Variants in OFD1 observed in about 807,000 individuals in gnomAD.
OFD1 encodes the protein OFD1 centriole and centriolar satellite protein, also known as centriole and centriolar satellite protein OFD1.
In OFD1, 12 loss-of-function variants were observed where a neutral mutation model predicts 81.4. The observed-to-expected ratio is 0.15, with a 90% CI of 0.09 to 0.24. The LOEUF is 0.24. OFD1 is among the 10% of genes least tolerant of loss of function. The pLI, the probability that OFD1 is intolerant of heterozygous loss-of-function variation, is 1.00. For missense variants in OFD1, 685 were observed against 733.9 expected (o/e 0.93, Z 0.77); for synonymous variants, 256 against 263.7 (o/e 0.97, Z 0.28).
At chrX:13,746,268 C>T (rs371295735) in intron 6 of OFD1, 51 bp from the exon 7 acceptor site, 47 of 1,139,848 alleles carry the variant, frequency 4.1e-5, no homozygotes, top group East Asian at 6.0e-5. Flanking sequence ...TGGCGTCTTA[C>T]GCACCTGACG....
chrX:13,741,626 T>C (rs1219535282), intron 5 of OFD1, among the ~76,000 whole-genome samples: 1 of 112,186 alleles, frequency 8.9e-6, no homozygotes, highest in Non-Finnish European at 1.9e-5. Context: ...GGAACAAGGC[T>C]GTTTATTCAC....
At chrX:13,716,167 A>G in the OFD1 span, 3 of 1,008,586 alleles carry the variant, frequency 3.0e-6, no homozygotes, top group Non-Finnish European at 4.0e-6. Context: ...TATTCTTCAA[A>G]TTAGTCACAT....
At chrX:13,771,007 TTAAAA>T (rs1362486633), downstream of OFD1, 1 of 112,796 alleles carries the variant, frequency 8.9e-6, no homozygotes, top group Admixed American at 9.4e-5. Context: ...AAATAGATCT[TTAAAA>T]TAAGCATACA....
intron 9 of OFD1, among the ~76,000 whole-genome samples, chrX:13,750,471 A>G (rs556307696): frequency 1.8e-5 from 2 of 111,921 alleles, no homozygotes; most frequent in South Asian, 7.5e-4. Flanking sequence ...GCTGGATCTC[A>G]CCACCCATGA....
upstream of OFD1, among the ~76,000 whole-genome samples, chrX:13,731,329 T>C (rs1279567594): frequency 8.9e-6 from 1 of 112,315 alleles, no homozygotes; most frequent in Non-Finnish European, 1.9e-5. Flanking sequence ...TAAATGTTTA[T>C]TTTCAGTCAG....
chrX:13,769,741 C>T (rs1308838800), downstream of OFD1, among the ~76,000 whole-genome samples: 2 of 111,351 alleles, frequency 1.8e-5, no homozygotes, highest in Non-Finnish European at 3.8e-5. Flanking sequence ...CTAGCTAGGC[C>T]CTTTTGCCCT....
At chrX:13,748,291 G>A (rs2047370278) in intron 8 of OFD1, among the ~76,000 whole-genome samples, 1 of 112,167 alleles carries the variant, frequency 8.9e-6, no homozygotes, top group African/African-American at 3.2e-5. Flanking sequence ...GAAGAAGATT[G>A]TCATCCTCAT....
chrX:13,749,012 C>T (rs2047399927), intron 8 of OFD1, among the ~76,000 whole-genome samples: 1 of 107,880 alleles, frequency 9.3e-6, no homozygotes, highest in Non-Finnish European at 1.9e-5. Context: ...CCTGCAGCTA[C>T]TCGGTAGGCT....
Position 13,757,913 on chromosome X carries a change from T to TA in OFD1, c.1542+124dup, listed in dbSNP as rs2047774099. The TA allele has an allele frequency of 8.7e-6, 7 of 801,799 alleles. No homozygotes were observed. The Middle Eastern group carries it at 1.7e-3, about 198-fold the overall frequency. 66.1% of individuals were successfully genotyped at this position (801,799 alleles called of 1,213,427 possible). A position where few individuals can be genotyped will look rare whatever the true frequency, so the allele number is the denominator to read the frequency against. ...TAACATCAAACATTACTCCCCCAAA[T>TA]ATGCTAAAGGTATCCTTTCTCATCT... On this transcript the variant is annotated intron_variant, in intron 14 of 22. Coordinates refer to ENST00000340096, the MANE Select transcript of OFD1 (RefSeq NM_003611.3).
At chrX:13,736,138 T>A in intron 2 of OFD1, 4 of 854,563 alleles carry the variant, frequency 4.7e-6, no homozygotes, top group Non-Finnish European at 5.7e-6. Context: ...TGGCAGAATT[T>A]TTTCCTATAC....
rs757460779 is a variant in OFD1 at position 13,762,428 on chromosome X, T to G, written c.2472T>G (p.Phe824Leu). Residue 824 changes from phenylalanine to leucine, a missense_variant, in exon 18 of 23, where the codon TTT (phenylalanine) becomes TTG (leucine). Phe to Leu is a conservative substitution (Grantham distance 22, BLOSUM62 0). Transcript: ENST00000340096. ...DKLAFKDNEEFESSFESAGNM... is the reference protein window; with the variant it reads ...DKLAFKDNEELESSFESAGNM... ...TAGCTTTTAAGGATAATGAGGAGTT[T>G]GAATCATCTTTTGAATGTAAGTTCA... The G allele has an allele frequency of 2.3e-5, 27 of 1,156,533 alleles. No homozygotes were observed. The highest frequency in any genetic ancestry group is 3.2e-5 in the Non-Finnish European group (27 of 845,428).
rs2047218970 is a variant in OFD1, at chrX:13,744,451, A to G, written c.449A>G (p.Tyr150Cys). The stretch of plus-strand genomic sequence containing the variant: ...CATTTTTTAAAAGAATTGGCAGAAT[A>G]TCATCAAGCTAAAGAGAGTTGTAAT... ...LMHFLKELAE[Y>C]HQAKESCNME... The change falls in exon 6 of 23, where the codon TAT becomes TGT. Residue 150 changes from tyrosine (Y) to cysteine (C), a missense_variant. Physicochemically the swap from Tyr to Cys is radical, Grantham distance 194. Around this residue, in one of 3 missense-constraint regions of OFD1, gnomAD observed 414 missense variants for 447.2 expected, o/e 0.93. Transcript: ENST00000340096. The G allele has an allele frequency of 8.4e-7, 1 of 1,188,517 alleles. No homozygotes were observed. The highest frequency in any genetic ancestry group is 1.1e-6 in the Non-Finnish European group (1 of 875,272).
intron 5 of OFD1, among the ~76,000 whole-genome samples, chrX:13,741,886 G>A (rs1238318998): frequency 8.9e-6 from 1 of 111,776 alleles, no homozygotes. Context: ...ATGTCGTAAG[G>A]TTGGTCAGTC....
chrX:13,751,424 A>G (rs781070357), intron 10 of OFD1, 56 bp downstream of exon 10: 115 of 1,045,572 alleles, frequency 1.1e-4, no homozygotes, highest in Non-Finnish European at 1.4e-4. Flanking sequence ...TGGTAGAAAC[A>G]TAACAAAAAC....
At chrX:13,739,800 C>T (rs191784568) in intron 5 of OFD1, 3 of 749,220 alleles carry the variant, frequency 4.0e-6, no homozygotes, top group Non-Finnish European at 4.7e-6. Context: ...TAATTTTGGC[C>T]TTGATAATAG....
At chrX:13,754,171 C>T (rs1224792297) in intron 11 of OFD1, among the ~76,000 whole-genome samples, 1 of 110,579 alleles carries the variant, frequency 9.0e-6, no homozygotes, top group Non-Finnish European at 1.9e-5. Context: ...TTAGTAGAGG[C>T]GGGGTCTCAG....
intron 5 of OFD1, among the ~76,000 whole-genome samples, chrX:13,743,726 G>T (rs1569116268): frequency 9.1e-6 from 1 of 109,473 alleles, no homozygotes; most frequent in African/African-American, 3.3e-5. Flanking sequence ...TGACAATGTA[G>T]TTTTTTCTGC....
downstream of OFD1, among the ~76,000 whole-genome samples, chrX:13,770,232 C>T (rs1419786557): frequency 8.9e-6 from 1 of 112,020 alleles, no homozygotes; most frequent in Non-Finnish European, 1.9e-5. Flanking sequence ...ACTCATGTGA[C>T]TTAAATAATT....
At chrX:13,718,153 G>A in the OFD1 span, among the ~76,000 whole-genome samples, 3 of 112,628 alleles carry the variant, frequency 2.7e-5, no homozygotes, top group Admixed American at 9.3e-5. Context: ...GCTGTCCCAA[G>A]CCACTCAGTT....
Sources: allele counts gnomAD v4.1 joint callset (sites outside exome capture counted in the v4.1 genomes callset), GRCh38; gene constraint gnomAD v4.1.1; regional missense constraint gnomAD v4.1.1; transcripts MANE v1.5; gene names NCBI Gene and HGNC (gene_info 2026-07-23, HGNC 2026-07-21).